CSMD3: variants seen among roughly 807,000 people sequenced by gnomAD.
The protein encoded by CSMD3 is CUB and Sushi multiple domains 3, also known as CUB and sushi domain-containing protein 3.
A neutral mutation model predicts 435.2 loss-of-function variants in CSMD3; 177 were observed. The ratio of observed to expected loss-of-function variants is 0.41; its 90% CI spans 0.36 to 0.46. The LOEUF is 0.46. Ranked by LOEUF, CSMD3 falls within the 20% of genes least tolerant of loss-of-function variation. CSMD3 has a pLI of 0.34. For missense variants in CSMD3, 4,265 were observed against 4,504.6 expected (o/e 0.95, Z 1.52); for synonymous variants, 1,656 against 1,520.5 (o/e 1.09, Z -2.07).
chr8:112,330,651 TC>T (rs1823955149), intron 45 of CSMD3, among the ~76,000 whole-genome samples: 1 of 152,090 alleles, frequency 6.6e-6, no homozygotes, highest in African/African-American at 2.4e-5. Context: ...ACTTTGTAGA[TC>T]TTGGGTAAAT....
At chr8:112,397,823 G>T (rs1006573551) in intron 35 of CSMD3, among the ~76,000 whole-genome samples, 1 of 152,158 alleles carries the variant, frequency 6.6e-6, no homozygotes, top group Admixed American at 6.5e-5. Flanking sequence ...TCTGCTGCTG[G>T]CCCCCAAAAT....
intron 9 of CSMD3, among the ~76,000 whole-genome samples, chr8:112,939,145 T>C (rs566717714): frequency 3.3e-5 from 5 of 152,282 alleles, no homozygotes; most frequent in African/African-American, 9.6e-5. Context: ...AGTGTAATAC[T>C]TCTTGTAACA....
intron 40 of CSMD3, 25 bp from the exon 41 acceptor site, chr8:112,346,238 T>G (rs1323610282): frequency 1.6e-6 from 2 of 1,288,620 alleles, no homozygotes; most frequent in East Asian, 4.6e-5. Flanking sequence ...AAATCCAAAG[T>G]AAACCAGAGT....
chr8:113,375,887 C>G, intron 1 of CSMD3, among the ~76,000 whole-genome samples: 1 of 152,118 alleles, frequency 6.6e-6, no homozygotes, highest in Middle Eastern at 3.4e-3. Context: ...AAATAAGTAT[C>G]AGAAGTCTTA....
At chr8:113,134,601 A>G (rs1199088310) in intron 4 of CSMD3, among the ~76,000 whole-genome samples, 2 of 152,078 alleles carry the variant, frequency 1.3e-5, no homozygotes, top group African/African-American at 4.8e-5. Flanking sequence ...GCACATACCT[A>G]TATTTATATA....
chr8:112,637,106 GTC>G, intron 21 of CSMD3, 101 bp from the exon 22 acceptor site: 1 of 925,700 alleles, frequency 1.1e-6, no homozygotes, highest in Admixed American at 1.8e-5. Flanking sequence ...TTAGAACCTA[GTC>G]ATATATTTAG....
chr8:112,569,031 C>A (rs1378310143), intron 24 of CSMD3, among the ~76,000 whole-genome samples: 2 of 152,110 alleles, frequency 1.3e-5, no homozygotes, highest in African/African-American at 4.8e-5. Flanking sequence ...ATATTCCAGG[C>A]TGCTTTGCTG....
At chr8:112,878,457 C>T (rs1382363383) in intron 10 of CSMD3, among the ~76,000 whole-genome samples, 1 of 152,124 alleles carries the variant, frequency 6.6e-6, no homozygotes, top group Non-Finnish European at 1.5e-5. Flanking sequence ...AACACTTTTA[C>T]ACTGTTGGTG....
intron 22 of CSMD3, among the ~76,000 whole-genome samples, chr8:112,611,684 G>T (rs1352915354): frequency 1.3e-5 from 2 of 151,984 alleles, no homozygotes; most frequent in Non-Finnish European, 2.9e-5. Context: ...TTTGTTGCTG[G>T]CAACAACACA....
chr8:112,579,417 T>C (rs182849209), intron 23 of CSMD3, among the ~76,000 whole-genome samples: 1 of 152,156 alleles, frequency 6.6e-6, no homozygotes, highest in Non-Finnish European at 1.5e-5. Context: ...GTGGAGTTGG[T>C]TAGAGACCAC....
At chr8:112,759,699 A>G (rs1193989670) in intron 13 of CSMD3, among the ~76,000 whole-genome samples, 1 of 152,106 alleles carries the variant, frequency 6.6e-6, no homozygotes, top group Non-Finnish European at 1.5e-5. Context: ...GAAACTATAA[A>G]TTGATTTTAT....
intron 31 of CSMD3, among the ~76,000 whole-genome samples, chr8:112,475,810 T>C (rs1818990017): frequency 6.6e-6 from 1 of 152,178 alleles, no homozygotes; most frequent in African/African-American, 2.4e-5. Context: ...AAAGGGCAGC[T>C]TTTATCTTTC....
At chr8:112,350,603 G>A (rs188791584) in intron 40 of CSMD3, among the ~76,000 whole-genome samples, 2 of 151,566 alleles carry the variant, frequency 1.3e-5, no homozygotes, top group Non-Finnish European at 2.9e-5. Flanking sequence ...ATTAATAGTT[G>A]CACACAAATA....
At chr8:112,607,773 AAT>A (rs1832916153) in intron 22 of CSMD3, among the ~76,000 whole-genome samples, 1 of 152,152 alleles carries the variant, frequency 6.6e-6, no homozygotes, top group African/African-American at 2.4e-5. Context: ...TCATGATAAA[AAT>A]TTCCAAAAGA....
intron 1 of CSMD3, among the ~76,000 whole-genome samples, chr8:113,333,777 T>C (rs116137743): frequency 0.01 from 1,540 of 152,014 alleles, 22 homozygotes; most frequent in African/African-American, 0.036. Flanking sequence ...TGAAATAAAA[T>C]TTAAAATAAT....
intron 54 of CSMD3, among the ~76,000 whole-genome samples, 168 bp downstream of exon 54, chr8:112,295,665 C>G (rs1820188478): frequency 6.6e-6 from 1 of 151,800 alleles, no homozygotes; most frequent in African/African-American, 2.4e-5. Context: ...TTCTCTTGAA[C>G]ATATTCCACT....
chr8:112,576,362 C>T (rs1829944565), intron 23 of CSMD3, among the ~76,000 whole-genome samples: 1 of 151,672 alleles, frequency 6.6e-6, no homozygotes, highest in African/African-American at 2.4e-5. Flanking sequence ...CAAAATAAGT[C>T]AACATTTAGT....
intron 13 of CSMD3, among the ~76,000 whole-genome samples, chr8:112,719,653 G>A (rs148136619): frequency 2.0e-5 from 3 of 152,160 alleles, no homozygotes; most frequent in African/African-American, 4.8e-5. Flanking sequence ...TCATATTGGG[G>A]GTTAGGGCTT....
chr8:113,210,044 G>GTGTGTGTGTGTGTGTGTGTGTGTGTA (rs57446626), intron 3 of CSMD3, among the ~76,000 whole-genome samples: 1 of 149,346 alleles, frequency 6.7e-6, no homozygotes, highest in Admixed American at 6.8e-5. Flanking sequence ...GTGTGTGTGT[G>GTGTGTGTGTGTGTGTGTGTGTGTGTA]TGATACACAG....
Sources: allele counts gnomAD v4.1 joint callset (sites outside exome capture counted in the v4.1 genomes callset), GRCh38; gene constraint gnomAD v4.1.1; transcripts MANE v1.5; gene names NCBI Gene and HGNC (gene_info 2026-07-23, HGNC 2026-07-21).